FGF13: variants seen among roughly 807,000 people sequenced by gnomAD.
The protein encoded by FGF13 is fibroblast growth factor homologous factor 2.
Under a neutral mutation model 19.5 loss-of-function variants are expected in FGF13, and 2 were observed. The observed-to-expected ratio is 0.10, with a 90% confidence interval of 0.04 to 0.32. The LOEUF is 0.32. FGF13 is among the 10% of genes least tolerant of loss of function. FGF13 has a pLI of 1.00. For synonymous variants in FGF13, 72 were observed against 76.9 expected (o/e 0.94, Z 0.33); for missense variants, 113 against 192.7 (o/e 0.59, Z 2.45).
At position 138,968,978 on chromosome X, in the gene FGF13, G is replaced by C. The variant is rs1043449505; in HGVS notation, c.-112-104328C>G. Among the ~76,000 whole-genome samples, 84 of 111,968 alleles carry C rather than the reference G, an allele frequency of 7.5e-4. 1 individual carries two copies. The highest frequency in any genetic ancestry group is 2.6e-3 in the African/African-American group (81 of 30,837). ...AGTACCTGGCACATAAATATCCACT[G>C]AATGAGTAAATGCCTTATTCTGGAG... On this transcript the variant is annotated intron_variant, in intron 1 of 2. Transcript: ENST00000421460.
intron 1 of FGF13, among the ~76,000 whole-genome samples, chrX:138,961,018 G>A (rs771008480): frequency 1.7e-3 from 190 of 111,275 alleles, no homozygotes; most frequent in Non-Finnish European, 2.7e-3. Context: ...CTGTCAACTC[G>A]TCAAGGTCAT....
At chrX:138,778,439 T>A (rs1227772206) in intron 3 of FGF13, among the ~76,000 whole-genome samples, 1 of 111,479 alleles carries the variant, frequency 9.0e-6, no homozygotes, top group Non-Finnish European at 1.9e-5. Flanking sequence ...AGAAAGTGGG[T>A]GCAGGACAGT....
At chrX:139,174,129 G>T (rs1264014565) in intron 1 of FGF13, among the ~76,000 whole-genome samples, 1 of 112,385 alleles carries the variant, frequency 8.9e-6, no homozygotes, top group Non-Finnish European at 1.9e-5. Flanking sequence ...TTGTGGTTTT[G>T]ATTTGCATTT....
chrX:139,028,146 G>A (rs973526790), intron 1 of FGF13, among the ~76,000 whole-genome samples: 2 of 111,410 alleles, frequency 1.8e-5, no homozygotes, highest in Non-Finnish European at 3.8e-5. Flanking sequence ...TGAGACTGCA[G>A]TATATACAGA....
In FGF13 at chrX:138,616,422, A is replaced by G. The variant is rs936544355; in HGVS notation, c.*16428T>C. Reference sequence around the variant, plus strand: ...ATGTCTCACATCTATCCAGGTCACAATGATGCAAGGGGTGGGCTCCCACAG... The same window carrying G: ...ATGTCTCACATCTATCCAGGTCACAGTGATGCAAGGGGTGGGCTCCCACAG... On this transcript the variant is annotated 3_prime_UTR_variant, in exon 5 of 5. Transcript: ENST00000315930. 4 of 112,905 alleles carry G rather than the reference A, an allele frequency of 3.5e-5. No individual in the cohort carries two copies. Among genetic ancestry groups the G allele is most frequent in the Non-Finnish European group, 7.5e-5 (4 of 53,360 alleles). 9.3% of individuals were successfully genotyped at this position (112,905 alleles called of 1,213,427 possible). A position where few individuals can be genotyped will look rare whatever the true frequency, so the allele number is the denominator to read the frequency against.
chrX:139,189,320 T>A (rs1490969008), intron 1 of FGF13, among the ~76,000 whole-genome samples: 2 of 82,296 alleles, frequency 2.4e-5, no homozygotes, highest in Non-Finnish European at 5.0e-5. Context: ...TCCCATCAAT[T>A]GAAAAAAGAT....
At chrX:138,961,521 A>G (rs896906681) in intron 1 of FGF13, among the ~76,000 whole-genome samples, 1 of 111,725 alleles carries the variant, frequency 9.0e-6, no homozygotes, top group African/African-American at 3.3e-5. Context: ...TGCTCTCTTC[A>G]AAGCTGTCAG....
Position 138,695,891 on chromosome X carries a change from G to T in FGF13, c.402+7093C>A, listed in dbSNP as rs776682764. On this transcript the variant is annotated intron_variant, in intron 3 of 4. Transcript: ENST00000315930. ...TATGCTGTCAACATGTTAAATTCTAGTTGGGGAAGATGAAAAACACACAAA... is the reference window on the plus strand; with the variant it reads ...TATGCTGTCAACATGTTAAATTCTATTTGGGGAAGATGAAAAACACACAAA... Among the ~76,000 whole-genome samples, 9 of 112,062 alleles carry T rather than the reference G, an allele frequency of 8.0e-5. No individual in the cohort carries two copies. In the East Asian group the frequency reaches 2.5e-3, roughly 31 times the overall value.
intron 1 of FGF13, among the ~76,000 whole-genome samples, chrX:139,131,382 GGTGTGT>G (rs10541863): frequency 0.2 from 18,415 of 91,154 alleles, 1,519 homozygotes; most frequent in African/African-American, 0.27. Flanking sequence ...AATATAGAGG[GGTGTGT>G]GTGTGTGTGT....
At chrX:138,984,582 A>G (rs1435785597) in intron 1 of FGF13, among the ~76,000 whole-genome samples, 46 of 34,822 alleles carry the variant, frequency 1.3e-3, no homozygotes, top group African/African-American at 1.9e-3. Context: ...GAAGAAGAAG[A>G]AGAAGAAGGA....
chrX:139,025,566 G>A (rs891619372), intron 1 of FGF13, among the ~76,000 whole-genome samples: 4 of 111,483 alleles, frequency 3.6e-5, no homozygotes, highest in East Asian at 2.9e-4. Context: ...TTCCTTCTGT[G>A]GCATTGGTCT....
intron 3 of FGF13, among the ~76,000 whole-genome samples, chrX:138,803,502 A>C (rs1208195853): frequency 9.0e-6 from 1 of 111,600 alleles, no homozygotes; most frequent in Non-Finnish European, 1.9e-5. Context: ...TCTCTCTCAC[A>C]ATTTATTTTC....
chrX:139,046,780 C>T (rs1378397252), intron 1 of FGF13, among the ~76,000 whole-genome samples: 2 of 111,292 alleles, frequency 1.8e-5, no homozygotes, highest in Non-Finnish European at 3.8e-5. Flanking sequence ...TCTCCATCAT[C>T]AAAATTGAAA....
intron 3 of FGF13, among the ~76,000 whole-genome samples, chrX:138,675,258 G>T (rs2089653362): frequency 8.9e-6 from 1 of 112,154 alleles, no homozygotes; most frequent in South Asian, 3.7e-4. Context: ...TTTGTACGAT[G>T]CAAACGCAGA....
Position 138,620,645 on chromosome X carries a change from A to T in FGF13, c.*12205T>A, listed in dbSNP as rs1367600390. ...GTATGTCTTTACCTATAAATAATTA[A>T]TTTTAATGTAAGTAGATTAAATTCT... On this transcript the variant is annotated 3_prime_UTR_variant, in exon 5 of 5. Transcript: ENST00000315930. 1 of 111,840 alleles carries T rather than the reference A, an allele frequency of 8.9e-6. No homozygotes were observed. The highest frequency in any genetic ancestry group is 9.6e-5 in the Admixed American group (1 of 10,464). 9.2% of individuals were successfully genotyped at this position (111,840 alleles called of 1,213,427 possible).
intron 3 of FGF13, among the ~76,000 whole-genome samples, chrX:138,759,564 G>A (rs370225681): frequency 1.2e-4 from 14 of 112,145 alleles, no homozygotes; most frequent in Middle Eastern, 4.6e-3. Context: ...CAGGGGAGAT[G>A]CAGTAATCTT....
At chrX:138,651,180 G>T (rs1433810651) in intron 3 of FGF13, among the ~76,000 whole-genome samples, 1 of 111,755 alleles carries the variant, frequency 8.9e-6, no homozygotes, top group Non-Finnish European at 1.9e-5. Flanking sequence ...ATACTTAGTT[G>T]CCAGGGACTT....
At chrX:139,126,271 G>C (rs2083715147) in intron 1 of FGF13, among the ~76,000 whole-genome samples, 1 of 111,000 alleles carries the variant, frequency 9.0e-6, no homozygotes, top group Admixed American at 9.6e-5. Flanking sequence ...GTTTCTACTT[G>C]GCTAAGCCTT....
chrX:138,685,210 A>T (rs2089768123), intron 3 of FGF13, among the ~76,000 whole-genome samples: 1 of 111,364 alleles, frequency 9.0e-6, no homozygotes, highest in African/African-American at 3.3e-5. Context: ...CGTAACAGCA[A>T]GAGAAACTTT....
Sources: gnomAD v4.1 joint callset for allele counts (sites outside exome capture counted in the v4.1 genomes callset) on GRCh38, gnomAD v4.1.1 for gene constraint, MANE v1.5 for transcripts, NCBI Gene and HGNC (gene_info 2026-07-23, HGNC 2026-07-21) for gene names.